The following MACROD2 variants were observed in gnomAD, a reference collection of about 807,000 sequenced individuals.
The protein encoded by MACROD2 is ADP-ribose glycohydrolase MACROD2.
Under a neutral mutation model 70.4 loss-of-function variants are expected in MACROD2, and 36 were observed. The observed-to-expected ratio is 0.51, with a 90% CI of 0.39 to 0.68. The LOEUF is 0.68. Among genes scored for constraint, MACROD2 ranks in the 30% least tolerant of loss-of-function variants. The probability of loss-of-function intolerance (pLI) is 0.00; values close to 1 mark genes in which losing one functional copy is unlikely to be tolerated. For synonymous variants in MACROD2, 172 were observed against 178.8 expected, an observed-to-expected ratio of 0.96 and a Z score of 0.30; for missense variants, 496 against 538.4, an observed-to-expected ratio of 0.92 and a Z score of 0.78.
At chr20:14,883,082 C>T (rs2073629252) in intron 5 of MACROD2, among the ~76,000 whole-genome samples, 1 of 152,144 alleles carries the variant, frequency 6.6e-6, no homozygotes, top group South Asian at 2.1e-4. Flanking sequence ...CTTTGAATCA[C>T]TTACCTATCC....
At chr20:14,794,436 C>G (rs1036019990) in intron 5 of MACROD2, among the ~76,000 whole-genome samples, 1 of 152,030 alleles carries the variant, frequency 6.6e-6, no homozygotes, top group Admixed American at 6.6e-5. Context: ...TCATTCTTCT[C>G]CAGTTAAAAT....
intron 4 of MACROD2, among the ~76,000 whole-genome samples, chr20:14,608,656 G>A (rs983667349): frequency 1.3e-5 from 2 of 152,138 alleles, no homozygotes; most frequent in African/African-American, 4.8e-5. Context: ...CTATTCTCAT[G>A]GAGTTTGACT....
At chr20:14,942,503 A>ATT (rs1393355886) in intron 5 of MACROD2, among the ~76,000 whole-genome samples, 12 of 151,918 alleles carry the variant, frequency 7.9e-5, no homozygotes, top group African/African-American at 2.9e-4. Context: ...TATCACCTTA[A>ATT]TAAAACCTAA....
intron 3 of MACROD2, among the ~76,000 whole-genome samples, chr20:14,404,469 A>G (rs2083671767): frequency 6.6e-6 from 1 of 152,138 alleles, no homozygotes; most frequent in Non-Finnish European, 1.5e-5. Flanking sequence ...TGTACAACAA[A>G]TACCAAAAGT....
intron 8 of MACROD2, among the ~76,000 whole-genome samples, chr20:15,757,232 G>A (rs1017763379): frequency 7.9e-5 from 12 of 152,176 alleles, no homozygotes; most frequent in African/African-American, 2.7e-4. Flanking sequence ...AACTTCTGTA[G>A]TATGCAAATA....
chr20:14,108,647 CAAA>C (rs2054404533), intron 3 of MACROD2, among the ~76,000 whole-genome samples: 1 of 151,790 alleles, frequency 6.6e-6, no homozygotes, highest in Admixed American at 6.6e-5. Context: ...GATTTCAAGA[CAAA>C]AGCTGTAAGA....
At chr20:14,598,114 A>C (rs368116357) in intron 4 of MACROD2, among the ~76,000 whole-genome samples, 2 of 152,142 alleles carry the variant, frequency 1.3e-5, no homozygotes, top group Non-Finnish European at 2.9e-5. Flanking sequence ...ACAGTCAAAC[A>C]TATGGACATT....
intron 8 of MACROD2, among the ~76,000 whole-genome samples, chr20:15,855,224 G>A (rs184890885): frequency 6.6e-6 from 1 of 152,310 alleles, no homozygotes; most frequent in East Asian, 1.9e-4. Flanking sequence ...AACCTGCTTC[G>A]CTGTGTCACC....
At chr20:15,921,188 C>G (rs145364316) in intron 10 of MACROD2, among the ~76,000 whole-genome samples, 1 of 152,302 alleles carries the variant, frequency 6.6e-6, no homozygotes, top group Non-Finnish European at 1.5e-5. Context: ...TGACCACGGT[C>G]TTCACCTGGC....
chr20:14,723,509 C>T (rs1369550459), intron 5 of MACROD2, among the ~76,000 whole-genome samples: 5 of 149,580 alleles, frequency 3.3e-5, no homozygotes, highest in Admixed American at 1.3e-4. Context: ...TTTTATCCCT[C>T]GGATTTCTTC....
At chr20:15,039,313 G>T (rs948162788) in intron 5 of MACROD2, among the ~76,000 whole-genome samples, 2 of 152,110 alleles carry the variant, frequency 1.3e-5, no homozygotes, top group African/African-American at 4.8e-5. Flanking sequence ...CCTGGTTATG[G>T]GGCAAGACAC....
chr20:15,039,814 C>G (rs886915008), intron 5 of MACROD2, among the ~76,000 whole-genome samples: 5 of 152,162 alleles, frequency 3.3e-5, no homozygotes, highest in African/African-American at 1.2e-4. Flanking sequence ...TTACTTTCAT[C>G]ATCCCTTTTG....
At position 14,227,037 on chromosome 20, in the gene MACROD2, T is replaced by C. The variant is rs192608143; in HGVS notation, c.271+141309T>C. On this transcript the variant is annotated intron_variant, in intron 3 of 17. Transcript: ENST00000684519. ...GGATTGTAAATACACCAATTGGCAC[T>C]CTGTATCTAGCTCAAGGTTTGTAAA... 8.7e-4 allele frequency among the ~76,000 whole-genome samples: 133 copies of C among 152,322 alleles called. 2 individuals are homozygous for C. In the East Asian group the frequency reaches 0.013, roughly 15 times the overall value.
chr20:15,942,104 TG>T (rs2065758816), intron 12 of MACROD2, among the ~76,000 whole-genome samples: 1 of 152,216 alleles, frequency 6.6e-6, no homozygotes, highest in African/African-American at 2.4e-5. Context: ...CCAGCAGTTT[TG>T]TTTTAATGTT....
At chr20:15,064,318 A>G (rs901247585) in intron 5 of MACROD2, among the ~76,000 whole-genome samples, 6 of 152,276 alleles carry the variant, frequency 3.9e-5, no homozygotes, top group African/African-American at 1.4e-4. Flanking sequence ...AGGCCACCCC[A>G]GAACCACCAA....
At chr20:15,322,784 T>C (rs1266119972) in intron 6 of MACROD2, among the ~76,000 whole-genome samples, 1 of 144,372 alleles carries the variant, frequency 6.9e-6, no homozygotes, top group Non-Finnish European at 1.6e-5. Context: ...CTTTTTCCTC[T>C]TTTGTTGTGA....
intron 3 of MACROD2, among the ~76,000 whole-genome samples, chr20:14,232,952 C>T (rs543265469): frequency 1.3e-5 from 2 of 152,294 alleles, no homozygotes; most frequent in African/African-American, 2.4e-5. Context: ...TTCAGTTGAA[C>T]ACTTAGAGGC....
intron 5 of MACROD2, among the ~76,000 whole-genome samples, chr20:15,127,282 G>A (rs760638265): frequency 6.6e-6 from 1 of 152,084 alleles, no homozygotes; most frequent in Non-Finnish European, 1.5e-5. Flanking sequence ...AGCTTACATA[G>A]ATAACCTCAG....
chr20:15,593,421 T>C (rs2048704921), intron 8 of MACROD2, among the ~76,000 whole-genome samples: 1 of 152,250 alleles, frequency 6.6e-6, no homozygotes, highest in Non-Finnish European at 1.5e-5. Context: ...AATTCTCTAG[T>C]GCCTGGTCTC....
Sources: gnomAD v4.1 joint callset for allele counts (sites outside exome capture counted in the v4.1 genomes callset) on GRCh38, gnomAD v4.1.1 for gene constraint, MANE v1.5 for transcripts, NCBI Gene and HGNC (gene_info 2026-07-23, HGNC 2026-07-21) for gene names.